Variants in CPT1B observed in about 807,000 individuals in gnomAD.
CPT1B encodes the protein carnitine O-palmitoyltransferase 1, muscle isoform.
CPT1B carries 57 observed loss-of-function variants against 92.7 expected under a neutral mutation model. That is an observed-to-expected ratio of 0.62 (90% CI 0.50 to 0.77). CPT1B has a LOEUF of 0.77. CPT1B is among the 30% of genes least tolerant of loss of function. CPT1B has a pLI of 0.00. For synonymous variants in CPT1B, 398 were observed against 383.5 expected (o/e 1.04, Z -0.44); for missense variants, 983 against 1,017.4 (o/e 0.97, Z 0.46).
rs561217503 is a variant in CPT1B, at chr22:50,570,314, G to A, written c.2121C>T (p.Gly707=). 1.4e-5 allele frequency: 23 copies of A among 1,592,234 alleles called. No homozygotes were observed. The highest frequency in any genetic ancestry group is 3.4e-5 in the Admixed American group (2 of 58,110). ...TCACAGGGCCAAAGCCACCTCCAGC[G>A]CCCAGGTGATTGGGGTGCTGCTCTG... The part of the protein sequence containing the change: ...FDPEQHPNHL[G]AGGGFGPVAD... The change falls in exon 17 of 20, where the codon GGC becomes GGT. Residue 707 remains glycine (G), a synonymous_variant. Coordinates refer to ENST00000312108, the MANE Select transcript of CPT1B (RefSeq NM_152246.3).
At position 50,572,010 on chromosome 22, in the gene CPT1B, T is replaced by G. The variant is rs1273351060; in HGVS notation, c.1571A>C (p.Lys524Thr). The G allele has an allele frequency of 6.2e-7, 1 of 1,613,604 alleles. No homozygotes were observed. Among genetic ancestry groups the G allele is most frequent in the South Asian group, 1.1e-5 (1 of 91,068 alleles). The change falls in exon 13 of 20, where the codon AAA (lysine) becomes ACA (threonine). Residue 524 changes from lysine to threonine, a missense_variant. Physicochemically the swap from Lys to Thr is moderately conservative, Grantham distance 78 (BLOSUM62 -1). Coordinates refer to ENST00000312108, the MANE Select transcript of CPT1B (RefSeq NM_152246.3). ...CTCTGGGAGCTTCCAACCCACCTGT[T>G]TTGGAATGTCCCACTGCAGCCGTGT... is the stretch of plus-strand genomic sequence containing the variant. ...PPTRLQWDIP[K>T]QCQAVIESSY...
chr22:50,571,437 T>G lies in CPT1B; in HGVS notation c.1678A>C (p.Lys560Gln). The change falls in exon 14 of 20, where the codon AAG becomes CAG. Residue 560 changes from lysine to glutamine, a missense_variant. Lys to Gln is a moderately conservative substitution (Grantham distance 53, BLOSUM62 1). Coordinates refer to ENST00000312108, the MANE Select transcript of CPT1B (RefSeq NM_152246.3). The stretch of plus-strand genomic sequence containing the variant: ...GCATCAGGGCTGGTCCGGCACTTCT[T>G]GATGAGGCCTTTGCCAAAGGGCAGG... ...QFLPFGKGLI[K>Q]KCRTSPDAFV... The G allele has an allele frequency of 6.2e-7, 1 of 1,613,836 alleles. No individual in the cohort carries two copies. Among genetic ancestry groups the G allele is most frequent in the South Asian group, 1.1e-5 (1 of 91,074 alleles).
rs777219757 is a variant in CPT1B at position 50,573,567 on chromosome 22, T to C, written c.1119A>G (p.Pro373=). Residue 373 remains proline (P), a synonymous_variant, in exon 10 of 20, where the codon CCA becomes CCG. Transcript: ENST00000312108. This position sits in a 1 kb window ranked among gnomAD's most constrained non-coding sequence, Gnocchi z 5.0. ...CCAGCTTCTCCTCCCCAGGCTGAGG[T>C]GGGGAGGGGTCGTCCAGGATCCTCT... The part of the protein sequence containing the change: ...QFQRILDDPS[P]PQPGEEKLAA... 6.2e-7 allele frequency: 1 copy of C among 1,613,280 alleles called. No individual in the cohort carries two copies. Among genetic ancestry groups the C allele is most frequent in the Non-Finnish European group, 8.5e-7 (1 of 1,179,798 alleles).
intron 5 of CPT1B, 28 bp from the exon 6 acceptor site, chr22:50,576,363 G>C (rs2070435525): frequency 6.2e-7 from 1 of 1,613,486 alleles, no homozygotes; most frequent in African/African-American, 1.3e-5. Flanking sequence ...ATCACCGTGG[G>C]GCCAGATGGC....
Position 50,576,274 on chromosome 22 carries a change from G to C in CPT1B, c.623C>G (p.Ala208Gly). The C allele has an allele frequency of 6.2e-7, 1 of 1,614,052 alleles. No homozygotes were observed. The highest frequency in any genetic ancestry group is 8.5e-7 in the Non-Finnish European group (1 of 1,180,032). Reference protein sequence around the residue: ...DEEYYRMELLAKEFQDKTAPR... With the variant: ...DEEYYRMELLGKEFQDKTAPR... ...GGCAGTCTTGTCCTGGAATTCTTTG[G>C]CCAGCAACTCCATGCGGTAATATTC... is the stretch of plus-strand genomic sequence containing the variant. The change falls in exon 6 of 20, where the codon GCC (alanine) becomes GGC (glycine). Residue 208 changes from alanine to glycine, a missense_variant. Transcript: ENST00000312108.
At position 50,571,063 on chromosome 22, in the gene CPT1B, G is replaced by C. The variant is rs1054226818; in HGVS notation, c.1876-20C>G. The C allele has an allele frequency of 5.0e-6, 8 of 1,612,980 alleles. No homozygotes were observed. The highest frequency in any genetic ancestry group is 4.5e-5 in the East Asian group (2 of 44,866). ...TGCTTTCTGCGGGGCAGAAGTAAAG[G>C]GGTGAAGAGTAGCCCTGGCCCTCCA... On this transcript the variant is annotated intron_variant, in intron 15 of 19. Transcript: ENST00000312108.
rs2070025763 is a variant in CPT1B at position 50,569,082 on chromosome 22, C to T, written c.*3-1G>A. On this transcript the variant is annotated splice_acceptor_variant, in intron 19 of 19. Transcript: ENST00000312108. LOFTEE classifies it low-confidence loss of function (3UTR_SPLICE). The stretch of plus-strand genomic sequence containing the variant: ...CAAACAAAACACAGGTACCTAAGGG[C>T]TGAGAGAAAATTACACAGCCTTATT... The T allele has an allele frequency of 7.5e-6, 3 of 401,870 alleles. No individual in the cohort carries two copies. Among genetic ancestry groups the T allele is most frequent in the Non-Finnish European group, 9.0e-6 (2 of 221,792 alleles). The allele number at this position is 401,870 out of a possible 1,614,324, so 24.9% of individuals were successfully genotyped here. A position where few individuals can be genotyped will look rare whatever the true frequency, so the allele number is the denominator to read the frequency against.
intron 16 of CPT1B, 132 bp downstream of exon 16, chr22:50,570,759 A>C: frequency 1.6e-6 from 2 of 1,252,104 alleles, no homozygotes; most frequent in Non-Finnish European, 2.2e-6. Flanking sequence ...TGGGCGGGAA[A>C]GCTGGCCCAG....
Position 50,571,138 on chromosome 22 carries a change from C to T in CPT1B, c.1875+20G>A. The T allele has an allele frequency of 6.2e-7, 1 of 1,613,772 alleles. No individual in the cohort carries two copies. ...CCTCACCCGACGACTGTGACCCCCA[C>T]ATGGGCAGAGGACACTTACTGTGTG... On this transcript the variant is annotated intron_variant, in intron 15 of 19. Transcript: ENST00000312108.
Position 50,571,559 on chromosome 22 carries a change from G to A in CPT1B, c.1576-20C>T. On this transcript the variant is annotated intron_variant, in intron 13 of 19. Coordinates refer to ENST00000312108, the MANE Select transcript of CPT1B (RefSeq NM_152246.3). Reference sequence around the variant, plus strand: ...CTGGCACTGCCAAGACATGGGAAGGGTCAGCTGAGGGTAGGGCTCTCCAAG... The same window carrying A: ...CTGGCACTGCCAAGACATGGGAAGGATCAGCTGAGGGTAGGGCTCTCCAAG... 6.2e-7 allele frequency: 1 copy of A among 1,607,958 alleles called. No individual in the cohort carries two copies.
In CPT1B at chr22:50,577,006, G is replaced by A. The variant is rs773906317; in HGVS notation, c.310C>T (p.Arg104Trp). Residue 104 changes from arginine (R) to tryptophan (W), a missense_variant, in exon 4 of 20, where the codon CGG becomes TGG. Transcript: ENST00000312108. ...AAGATGGCCATGCTGAGAAGTGCCCGGGTCTGCGGGGTCTGGTAGGGGCCA... is the reference window on the plus strand; with the variant it reads ...AAGATGGCCATGCTGAGAAGTGCCCAGGTCTGCGGGGTCTGGTAGGGGCCA... ...GCGPYQTPQT[R>W]ALLSMAIFST... 27 of 1,613,910 alleles carry A rather than the reference G, an allele frequency of 1.7e-5. No homozygotes were observed. Among genetic ancestry groups the A allele is most frequent in the Admixed American group, 1.0e-4 (6 of 60,010 alleles).
chr22:50,570,205 G>T, intron 17 of CPT1B, 88 bp downstream of exon 17: 1 of 939,194 alleles, frequency 1.1e-6, no homozygotes, highest in Non-Finnish European at 1.6e-6. Context: ...AGGTGCTCCT[G>T]CCTCTCGTCT....
Position 50,570,326 on chromosome 22 carries a change from G to C in CPT1B, c.2109C>G (p.Pro703=), listed in dbSNP as rs758187699. Residue 703 remains proline, a synonymous_variant, in exon 17 of 20, where the codon CCC becomes CCG. Coordinates refer to ENST00000312108, the MANE Select transcript of CPT1B (RefSeq NM_152246.3). The stretch of plus-strand genomic sequence containing the variant: ...AGCCACCTCCAGCGCCCAGGTGATT[G>C]GGGTGCTGCTCTGGGTCGAACATGC... ...QIRMFDPEQH[P]NHLGAGGGFG... is the part of the protein sequence containing the mutation. 1.9e-6 allele frequency: 3 copies of C among 1,600,478 alleles called. No homozygotes were observed. Among genetic ancestry groups the C allele is most frequent in the Non-Finnish European group, 2.6e-6 (3 of 1,171,364 alleles).
intron 1 of CPT1B, 46 bp from the exon 2 acceptor site, chr22:50,577,980 C>G: frequency 7.0e-7 from 1 of 1,423,272 alleles, no homozygotes; most frequent in Non-Finnish European, 9.3e-7. Context: ...AGGCCGGCCC[C>G]GCCGCCAGCC....
Position 50,574,351 on chromosome 22 carries a change from G to C in CPT1B, c.954C>G (p.Ile318Met), listed in dbSNP as rs370978706. Residue 318 changes from isoleucine to methionine, a missense_variant, in exon 9 of 20, where the codon ATC (isoleucine) becomes ATG (methionine). Ile to Met is a conservative substitution (Grantham distance 10). Transcript: ENST00000312108. Reference sequence around the variant, plus strand: ...CTCAGTTACCTGTGTCCTTGCCCGGGATCCGAGTGGTGTTGAACATCCTCT... The same window carrying C: ...CTCAGTTACCTGTGTCCTTGCCCGGCATCCGAGTGGTGTTGAACATCCTCT... ...QMERMFNTTR[I>M]PGKDTDVLQH... 13 of 1,613,254 alleles carry C rather than the reference G, an allele frequency of 8.1e-6. No individual in the cohort carries two copies. The African/African-American group carries it at 1.7e-4, about 22-fold the overall frequency.
At position 50,571,214 on chromosome 22, in the gene CPT1B, A is replaced by G. The variant is rs1457436269; in HGVS notation, c.1819T>C (p.Ser607Pro). The G allele has an allele frequency of 7.4e-6, 12 of 1,614,028 alleles. No homozygotes were observed. The highest frequency in any genetic ancestry group is 1.0e-5 in the Non-Finnish European group (12 of 1,180,028). ...FREGRTETVR[S>P]CTSESTAFVQ... The stretch of plus-strand genomic sequence containing the variant: ...AAGGCTGTGGACTCGCTGGTACAGG[A>G]ACGCACAGTCTCAGTCCGTCCCTCC... Residue 607 changes from serine to proline, a missense_variant, in exon 15 of 20, where the codon TCC becomes CCC. Coordinates refer to ENST00000312108, the MANE Select transcript of CPT1B (RefSeq NM_152246.3).
chr22:50,576,615 C>G lies in CPT1B; in HGVS notation c.482G>C (p.Ser161Thr). The change falls in exon 5 of 20, where the codon AGC (serine) becomes ACC (threonine). Residue 161 changes from serine (S) to threonine (T), a missense_variant. Physicochemically the swap from Ser to Thr is moderately conservative, Grantham distance 58. Transcript: ENST00000312108. The part of the protein sequence containing the change: ...IWAMCIRLLS[S>T]RHPMLYSFQT... Reference sequence around the variant, plus strand: ...GAAGCTGTAGAGCATAGGGTGCCGGCTGGATAGAAGGCGGATACACATCTG... The same window carrying G: ...GAAGCTGTAGAGCATAGGGTGCCGGGTGGATAGAAGGCGGATACACATCTG... 6.2e-7 allele frequency: 1 copy of G among 1,610,512 alleles called. No individual in the cohort carries two copies. The highest frequency in any genetic ancestry group is 8.5e-7 in the Non-Finnish European group (1 of 1,178,602).
chr22:50,577,275 G>A (rs548228884), intron 3 of CPT1B, 49 bp downstream of exon 3: 3 of 1,607,084 alleles, frequency 1.9e-6, no homozygotes, highest in East Asian at 4.5e-5. Flanking sequence ...TGGGAGCTGG[G>A]CCCAGCCCTC....
chr22:50,577,843 G>A lies in CPT1B; in HGVS notation c.73C>T (p.Arg25Trp), dbSNP rs776509386. 5.0e-6 allele frequency: 8 copies of A among 1,613,738 alleles called. No homozygotes were observed. Among genetic ancestry groups the A allele is most frequent in the Non-Finnish European group, 5.1e-6 (6 of 1,179,898 alleles). Residue 25 changes from arginine (R) to tryptophan (W), a missense_variant, in exon 2 of 20, where the codon CGG (arginine) becomes TGG (tryptophan). Transcript: ENST00000312108. Reference protein sequence around the residue: ...TPDGVDFRLSREALKHVYLSG... With the variant: ...TPDGVDFRLSWEALKHVYLSG... ...AGGTAGACGTGTTTCAGGGCCTCCC[G>A]ACTGAGCCGGAAGTCGACCCCGTCT...
Sources: gnomAD v4.1 joint callset for allele counts on GRCh38, gnomAD v4.1.1 for gene constraint, Gnocchi (gnomAD v3.1) non-coding constraint, MANE v1.5 for transcripts, NCBI Gene and HGNC (gene_info 2026-07-23, HGNC 2026-07-21) for gene names.